ATE1: variants seen among roughly 807,000 people sequenced by gnomAD.
ATE1 encodes the protein arginyltransferase 1, also known as arginyl-tRNA--protein transferase 1.
ATE1 carries 36 observed loss-of-function variants against 70.5 expected under a neutral mutation model. The ratio of observed to expected loss-of-function variants is 0.51; its 90% CI spans 0.39 to 0.67. The LOEUF (loss-of-function observed/expected upper bound fraction) is 0.67. Among genes scored for constraint, ATE1 ranks in the 30% least tolerant of loss-of-function variants. The pLI is 0.00. For synonymous variants in ATE1, 232 were observed against 219.3 expected (o/e 1.06, Z -0.51); for missense variants, 593 against 629.5 (o/e 0.94, Z 0.62).
At chr10:121,822,417 G>A (rs938481935) in intron 10 of ATE1, among the ~76,000 whole-genome samples, 1 of 152,176 alleles carries the variant, frequency 6.6e-6, no homozygotes, top group Non-Finnish European at 1.5e-5. Flanking sequence ...ATGGGCTTGT[G>A]GGGTGCTGGG....
At chr10:121,821,116 T>A (rs943982535) in intron 10 of ATE1, among the ~76,000 whole-genome samples, 4 of 152,142 alleles carry the variant, frequency 2.6e-5, no homozygotes, top group African/African-American at 9.7e-5. Flanking sequence ...TAATTTCTTT[T>A]TGTATCGTTA....
At chr10:121,904,965 T>G (rs1951134581) in intron 5 of ATE1, among the ~76,000 whole-genome samples, 1 of 152,188 alleles carries the variant, frequency 6.6e-6, no homozygotes, top group Non-Finnish European at 1.5e-5. Context: ...AAAAGACCAT[T>G]TCTATAACTA....
intron 8 of ATE1, among the ~76,000 whole-genome samples, chr10:121,865,849 A>G (rs1038804242): frequency 3.0e-4 from 46 of 152,354 alleles, no homozygotes; most frequent in African/African-American, 1.1e-3. Context: ...TAATTACTAT[A>G]ACCTGACAAT....
chr10:121,906,416 G>T (rs1351018126), intron 5 of ATE1, among the ~76,000 whole-genome samples: 1 of 152,018 alleles, frequency 6.6e-6, no homozygotes, highest in Non-Finnish European at 1.5e-5. Context: ...GTAGTCCCAA[G>T]TGCTCCAGTG....
At chr10:121,867,183 A>G (rs989123616) in intron 8 of ATE1, among the ~76,000 whole-genome samples, 3 of 152,162 alleles carry the variant, frequency 2.0e-5, no homozygotes, top group Admixed American at 2.0e-4. Context: ...TATTCTACCT[A>G]TACTAAGAAT....
chr10:121,863,741 C>T (rs1177400876), intron 8 of ATE1, among the ~76,000 whole-genome samples: 1 of 152,172 alleles, frequency 6.6e-6, no homozygotes, highest in Non-Finnish European at 1.5e-5. Flanking sequence ...TCTCTCACAG[C>T]TGGGACTACA....
At chr10:121,882,316 C>A (rs979017861) in intron 7 of ATE1, among the ~76,000 whole-genome samples, 2 of 152,154 alleles carry the variant, frequency 1.3e-5, no homozygotes, top group African/African-American at 4.8e-5. Context: ...AATAAAATTT[C>A]ATGTGCAAAT....
At chr10:121,815,552 C>T (rs1654601159) in intron 10 of ATE1, among the ~76,000 whole-genome samples, 1 of 152,228 alleles carries the variant, frequency 6.6e-6, no homozygotes, top group Admixed American at 6.5e-5. Flanking sequence ...AAAGGTCACA[C>T]AGAAGCACCC....
intron 7 of ATE1, among the ~76,000 whole-genome samples, chr10:121,892,575 C>T (rs1012311025): frequency 2.0e-5 from 3 of 150,762 alleles, no homozygotes; most frequent in African/African-American, 4.9e-5. Context: ...GGCACCATCT[C>T]GGCTCACTGC....
chr10:121,786,202 GTTTTTTTTT>G (rs66781912), intron 11 of ATE1, among the ~76,000 whole-genome samples: 5 of 84,496 alleles, frequency 5.9e-5, no homozygotes, highest in Non-Finnish European at 1.0e-4. Context: ...GCTCAAGAAA[GTTTTTTTTT>G]TTTTTTTTTT....
chr10:121,799,760 T>C (rs1171146557), intron 10 of ATE1, among the ~76,000 whole-genome samples: 1 of 152,236 alleles, frequency 6.6e-6, no homozygotes, highest in Non-Finnish European at 1.5e-5. Flanking sequence ...GGAGAAATAT[T>C]ATAAAACTCA....
intron 2 of ATE1, 119 bp from the exon 3 acceptor site, chr10:121,922,530 T>C: frequency 1.5e-6 from 1 of 645,558 alleles, no homozygotes. Context: ...GAAATGCATG[T>C]AGGTTTAATT....
chr10:121,916,208 C>G lies in ATE1; in HGVS notation c.234-2315G>C, dbSNP rs191146313. On this transcript the variant is annotated intron_variant, in intron 3 of 11. Coordinates refer to ENST00000224652, the MANE Select transcript of ATE1 (RefSeq NM_001001976.3). ...CACCACTGCACTCCAGCCTGGGAAA[C>G]AGAGCGAGACTCTGCCTCGAAAAAC... Among the ~76,000 whole-genome samples the G allele has an allele frequency of 3.3e-5, 5 of 152,186 alleles. No homozygotes were observed. The East Asian group carries it at 7.7e-4, about 24-fold the overall frequency.
intron 6 of ATE1, among the ~76,000 whole-genome samples, chr10:121,900,670 C>G (rs1203825917): frequency 6.6e-6 from 1 of 152,126 alleles, no homozygotes; most frequent in African/African-American, 2.4e-5. Flanking sequence ...CAGTCAAATG[C>G]AATGCAATGA....
intron 11 of ATE1, among the ~76,000 whole-genome samples, chr10:121,786,202 GTTTTTTTTTTTTTT>G (rs66781912): frequency 3.6e-5 from 3 of 84,496 alleles, no homozygotes; most frequent in African/African-American, 1.4e-4. Context: ...GCTCAAGAAA[GTTTTTTTTTTTTTT>G]TTTTTTTTTT....
At chr10:121,753,005 C>A (rs1944650749) in intron 11 of ATE1, among the ~76,000 whole-genome samples, 1 of 152,162 alleles carries the variant, frequency 6.6e-6, no homozygotes, top group South Asian at 2.1e-4. Flanking sequence ...TTATTTAGGT[C>A]TTCTGTAATT....
chr10:121,868,662 G>A (rs1003264219), intron 8 of ATE1, among the ~76,000 whole-genome samples: 2 of 152,056 alleles, frequency 1.3e-5, no homozygotes, highest in African/African-American at 4.8e-5. Context: ...AGGGAAAAGG[G>A]CTCAAGAGTC....
intron 10 of ATE1, among the ~76,000 whole-genome samples, chr10:121,799,665 T>TA (rs1391540344): frequency 6.6e-6 from 1 of 152,232 alleles, no homozygotes; most frequent in African/African-American, 2.4e-5. Context: ...AGATTAGTTA[T>TA]AAAGAGTAAC....
intron 7 of ATE1, among the ~76,000 whole-genome samples, chr10:121,891,064 C>T (rs1471218988): frequency 6.6e-6 from 1 of 152,074 alleles, no homozygotes; most frequent in African/African-American, 2.4e-5. Flanking sequence ...CACAGACACA[C>T]GAGGAGAGGG....
Sources: allele counts gnomAD v4.1 joint callset (sites outside exome capture counted in the v4.1 genomes callset), GRCh38; gene constraint gnomAD v4.1.1; transcripts MANE v1.5; gene names NCBI Gene and HGNC (gene_info 2026-07-23, HGNC 2026-07-21).